The following GABRR1 variants were observed in gnomAD, a reference collection of about 807,000 sequenced individuals.
GABRR1 encodes gamma-aminobutyric acid type A receptor subunit rho1, also known as gamma-aminobutyric acid receptor subunit rho-1.
A neutral mutation model predicts 55.5 loss-of-function variants in GABRR1; 59 were observed. The observed-to-expected ratio is 1.06, with a 90% CI of 0.86 to 1.32. GABRR1 has a LOEUF of 1.32. Among genes scored for constraint, GABRR1 ranks in the 40% most tolerant of loss-of-function variants. The pLI is 0.00. For missense variants in GABRR1, 602 were observed against 619.1 expected (o/e 0.97, Z 0.29); for synonymous variants, 213 against 226.0 (o/e 0.94, Z 0.51).
chr6:89,181,269 A>G (rs538258504), intron 8 of GABRR1, among the ~76,000 whole-genome samples: 1 of 152,342 alleles, frequency 6.6e-6, no homozygotes, highest in East Asian at 1.9e-4. Flanking sequence ...CAGTTTCACT[A>G]AAACCTGGTG....
At chr6:89,184,413 C>T (rs1324934746) in intron 7 of GABRR1, among the ~76,000 whole-genome samples, 1 of 135,584 alleles carries the variant, frequency 7.4e-6, no homozygotes, top group Admixed American at 7.1e-5. Flanking sequence ...ACAGAGCATG[C>T]CCCCGCAGGC....
At chr6:89,182,901 T>C (rs1562282889) in intron 7 of GABRR1, among the ~76,000 whole-genome samples, 1 of 152,112 alleles carries the variant, frequency 6.6e-6, no homozygotes, top group African/African-American at 2.4e-5. Context: ...TAATTTTATA[T>C]ATATATATGT....
upstream of GABRR1, among the ~76,000 whole-genome samples, chr6:89,218,302 A>T (rs901260948): frequency 6.6e-6 from 1 of 152,184 alleles, no homozygotes; most frequent in African/African-American, 2.4e-5. Context: ...CTAACCCAAG[A>T]TCCAATAGAA....
rs2127812261 is a variant in GABRR1 at position 89,224,909 on chromosome 6, A to G, written c.-410-3463T>C. On this transcript the variant is annotated intron_variant, in intron 1 of 11. Coordinates refer to the GABRR1 transcript ENST00000369451. The stretch of plus-strand genomic sequence containing the variant: ...GCGATTCTCCTGCCTCAGCCTCCCA[A>G]GTAGCTGGGATTACAGGCACCCAAC... Among the ~76,000 whole-genome samples, 3 of 152,150 alleles carry G rather than the reference A, an allele frequency of 2.0e-5. 1 individual carries two copies. In the South Asian group the frequency reaches 6.2e-4, roughly 32 times the overall value.
At chr6:89,182,707 G>A (rs1771766576) in intron 7 of GABRR1, among the ~76,000 whole-genome samples, 1 of 151,984 alleles carries the variant, frequency 6.6e-6, no homozygotes, top group South Asian at 2.1e-4. Flanking sequence ...TACTTAATTG[G>A]AGGTCCATTT....
intron 1 of GABRR1, among the ~76,000 whole-genome samples, chr6:89,228,764 G>A (rs1284925364): frequency 6.6e-6 from 1 of 151,478 alleles, no homozygotes. Flanking sequence ...GGAGAGTTCT[G>A]TAGATGTCTA....
At chr6:89,215,490 A>G (rs779021565) in intron 1 of GABRR1, among the ~76,000 whole-genome samples, 2 of 152,222 alleles carry the variant, frequency 1.3e-5, no homozygotes, top group Non-Finnish European at 2.9e-5. Context: ...AACAGAAATC[A>G]TATTAACAGA....
intron 1 of GABRR1, among the ~76,000 whole-genome samples, chr6:89,204,223 G>C (rs1174747057): frequency 6.6e-6 from 1 of 152,172 alleles, no homozygotes; most frequent in Non-Finnish European, 1.5e-5. Context: ...TGAAGGCAAT[G>C]CTGTTTTCTG....
At chr6:89,187,262 C>T (rs1259220936) in intron 6 of GABRR1, among the ~76,000 whole-genome samples, 1 of 151,546 alleles carries the variant, frequency 6.6e-6, no homozygotes, top group Non-Finnish European at 1.5e-5. Flanking sequence ...TAAAATTTAC[C>T]ATCTTAACCA....
intron 5 of GABRR1, among the ~76,000 whole-genome samples, chr6:89,190,539 G>C (rs1772054710): frequency 1.3e-5 from 2 of 152,164 alleles, no homozygotes; most frequent in African/African-American, 4.8e-5. Flanking sequence ...ATATAATAAT[G>C]TGAAATAAAA....
chr6:89,192,952 A>G (rs1487873937), intron 5 of GABRR1, among the ~76,000 whole-genome samples: 1 of 152,234 alleles, frequency 6.6e-6, no homozygotes, highest in Non-Finnish European at 1.5e-5. Context: ...TACCAAGCAT[A>G]ATAGAGTATC....
intron 9 of GABRR1, 48 bp downstream of exon 9, chr6:89,180,244 G>T (rs987881475): frequency 6.3e-7 from 1 of 1,577,110 alleles, no homozygotes; most frequent in South Asian, 1.2e-5. Flanking sequence ...TCCAGAGCTA[G>T]ATCAGGTTCC....
intron 1 of GABRR1, among the ~76,000 whole-genome samples, chr6:89,230,461 T>C (rs1773265549): frequency 6.6e-6 from 1 of 150,456 alleles, no homozygotes; most frequent in African/African-American, 2.4e-5. Context: ...TCCTTTCTGT[T>C]TGTTAGTTTT....
chr6:89,188,264 T>C (rs571697302), intron 6 of GABRR1, among the ~76,000 whole-genome samples: 1 of 152,266 alleles, frequency 6.6e-6, no homozygotes, highest in South Asian at 2.1e-4. Flanking sequence ...GCTCAAGTGA[T>C]CCTCTTACCC....
upstream of GABRR1, among the ~76,000 whole-genome samples, chr6:89,221,771 G>A (rs1582411505): frequency 6.6e-6 from 1 of 152,056 alleles, no homozygotes. Context: ...GGGGATAAGG[G>A]ACAAATAAAA....
intron 2 of GABRR1, among the ~76,000 whole-genome samples, 186 bp downstream of exon 2, chr6:89,203,249 C>G (rs774542514): frequency 7.2e-5 from 11 of 152,160 alleles, no homozygotes; most frequent in Non-Finnish European, 1.6e-4. Context: ...CTCACCAGCT[C>G]GATCCAGGAG....
intron 1 of GABRR1, among the ~76,000 whole-genome samples, chr6:89,210,043 G>C (rs539022047): frequency 3.7e-4 from 56 of 152,230 alleles, no homozygotes; most frequent in African/African-American, 1.3e-3. Context: ...ACCAGAAGTG[G>C]AAACATGGGG....
intron 1 of GABRR1, among the ~76,000 whole-genome samples, chr6:89,215,543 G>A (rs890826201): frequency 6.6e-6 from 1 of 152,322 alleles, no homozygotes; most frequent in East Asian, 1.9e-4. Context: ...TTGAGGGTAT[G>A]AGGAGATGTT....
chr6:89,206,978 G>T (rs1772669340), intron 1 of GABRR1, among the ~76,000 whole-genome samples: 1 of 151,990 alleles, frequency 6.6e-6, no homozygotes, highest in Non-Finnish European at 1.5e-5. Flanking sequence ...ACAAAGACAG[G>T]TACCAAATAT....
Sources: allele counts gnomAD v4.1 joint callset (sites outside exome capture counted in the v4.1 genomes callset), GRCh38; gene constraint gnomAD v4.1.1; transcripts MANE v1.5; gene names NCBI Gene and HGNC (gene_info 2026-07-23, HGNC 2026-07-21).